PAQR9: variants seen among roughly 807,000 people sequenced by gnomAD.
PAQR9 encodes the protein membrane progestin receptor epsilon.
Under a neutral mutation model 24.0 loss-of-function variants are expected in PAQR9, and 12 were observed. That is an observed-to-expected ratio of 0.50 (90% CI 0.32 to 0.81). The LOEUF (loss-of-function observed/expected upper bound fraction) is 0.81. Among genes scored for constraint, PAQR9 ranks in the 30% least tolerant of loss-of-function variants. The pLI is 0.03. For missense variants in PAQR9, 418 were observed against 520.8 expected, an observed-to-expected ratio of 0.80 and a Z score of 1.92; for synonymous variants, 266 against 237.6, an observed-to-expected ratio of 1.12 and a Z score of -1.10.
chr3:142,962,980 C>A lies in PAQR9; in HGVS notation c.357G>T (p.Leu119=), dbSNP rs200424033. The change falls in exon 1 of 1, where the codon CTG becomes CTT. Residue 119 remains leucine (L), a synonymous_variant. Transcript: ENST00000340634. ...CCGACGCGTAGCACCACAACGGTAGCAGCCACGGGTGGTGGAAGGGCACGT... is the reference window on the plus strand; with the variant it reads ...CCGACGCGTAGCACCACAACGGTAGAAGCCACGGGTGGTGGAAGGGCACGT... ...GGDVPFHHPW[L]LPLWCYASGV... 64 of 1,614,098 alleles carry A rather than the reference C, an allele frequency of 4.0e-5. 2 individuals are homozygous for A. In the South Asian group the frequency reaches 5.3e-4, roughly 13 times the overall value.
chr3:142,961,687 T>C lies in PAQR9; in HGVS notation c.*516A>G, dbSNP rs1455535060. The C allele has an allele frequency of 6.3e-6, 1 of 158,682 alleles. No individual in the cohort carries two copies. Among genetic ancestry groups the C allele is most frequent in the Admixed American group, 5.9e-5 (1 of 16,874 alleles). The allele number at this position is 158,682 out of a possible 1,614,324, so 9.8% of individuals were successfully genotyped here. The stretch of plus-strand genomic sequence containing the variant: ...ATAATTAACTTGTGTTCACATTCCA[T>C]GCATTTTCTAGCAGGTTAAGCCCTG... On this transcript the variant is annotated 3_prime_UTR_variant, in exon 1 of 1. Transcript: ENST00000340634.
At chr3:142,952,843 G>C (rs1361993955), downstream of PAQR9, 6 of 456,544 alleles carry the variant, frequency 1.3e-5, no homozygotes, top group Non-Finnish European at 2.6e-5. Flanking sequence ...TTGTCCCCTT[G>C]GCAGAACCTA....
At position 142,960,153 on chromosome 3, in the gene PAQR9, T is replaced by C. The variant is rs1934864553; in HGVS notation, c.*2050A>G. On this transcript the variant is annotated 3_prime_UTR_variant, in exon 1 of 1. Transcript: ENST00000340634. ...TGTATTTACAATCTCAGTAAGAGAT[T>C]CTAAATTAAATATAGACATATATAA... Among the ~76,000 whole-genome samples the C allele has an allele frequency of 6.6e-6, 1 of 152,226 alleles. No individual in the cohort carries two copies. The highest frequency in any genetic ancestry group is 2.1e-4 in the South Asian group (1 of 4,838).
rs748394299 is a variant in PAQR9, at chr3:142,963,274, T to TGCCGGG, written c.57_62dup (p.Pro20_Ala21dup). On this transcript the variant is annotated inframe_insertion, in exon 1 of 1. Transcript: ENST00000340634. ...GGGAGTTCCGGGCGGCCCCCGAAGC[T>TGCCGGG]GCCGGGGCCGGGGCCGGAGGGCCTT... 76 of 1,498,770 alleles carry TGCCGGG rather than the reference T, an allele frequency of 5.1e-5. No individual in the cohort carries two copies. The highest frequency in any genetic ancestry group is 1.7e-4 in the African/African-American group (12 of 71,200). The allele number at this position is 1,498,770 out of a possible 1,614,324, so 92.8% of individuals were successfully genotyped here.
downstream of PAQR9, chr3:142,952,768 TGGGG>T (rs1250468036): frequency 4.4e-6 from 2 of 455,796 alleles, no homozygotes; most frequent in Admixed American, 4.7e-5. Flanking sequence ...ACAAGAAGAG[TGGGG>T]AGGGACAGGA....
At position 142,957,750 on chromosome 3, in the gene PAQR9, TC is replaced by T. The variant is rs1578079776; in HGVS notation, c.*4452del. Among the ~76,000 whole-genome samples, 3 of 152,326 alleles carry T rather than the reference TC, an allele frequency of 2.0e-5. No homozygotes were observed. Among genetic ancestry groups the T allele is most frequent in the Admixed American group, 1.3e-4 (2 of 15,300 alleles). On this transcript the variant is annotated 3_prime_UTR_variant, in exon 1 of 1. Transcript: ENST00000340634. ...TTCAATTCTGTACATATGCCGACTA[TC>T]CCCTCACTTGGATTGTACATTACAT...
At chr3:142,949,325 G>A (rs978937764) in exon 3 of PAQR9, 1 of 152,210 alleles carries the variant, frequency 6.6e-6, no homozygotes, top group African/African-American at 2.4e-5. Context: ...GTGAGGTAGG[G>A]ATGAACTAAT....
In PAQR9 at chr3:142,963,389, C is replaced by G. The variant is rs1399723903; in HGVS notation, c.-53G>C. 2.7e-6 allele frequency: 3 copies of G among 1,127,576 alleles called. No homozygotes were observed. The highest frequency in any genetic ancestry group is 3.3e-6 in the Non-Finnish European group (3 of 923,044). 69.8% of individuals were successfully genotyped at this position (1,127,576 alleles called of 1,614,324 possible). A position where few individuals can be genotyped will look rare whatever the true frequency, so the allele number is the denominator to read the frequency against. On this transcript the variant is annotated 5_prime_UTR_variant, in exon 1 of 1. Transcript: ENST00000340634. The stretch of plus-strand genomic sequence containing the variant: ...GCAGGCGACCTCTGGCGCCGGCTCC[C>G]GGGCGCTGGGCAGCCCCCGCCGGCC...
At chr3:142,953,371 T>C (rs1054156707), downstream of PAQR9, among the ~76,000 whole-genome samples, 2 of 152,130 alleles carry the variant, frequency 1.3e-5, no homozygotes, top group African/African-American at 4.8e-5. Context: ...ACAAGAGTGC[T>C]TCGATGGTAC....
rs542854262 is a variant in PAQR9, at chr3:142,962,887, G to A, written c.450C>T (p.Arg150=). ...CGTAGTCCAGGTAGAAGAAGGCGGC[G>A]CGCAGACGCAGCGACAGGCAGCTGA... ...HVFSCLSLRL[R]AAFFYLDYAS... Residue 150 remains arginine (R), a synonymous_variant, in exon 1 of 1, where the codon CGC becomes CGT. Transcript: ENST00000340634. 25 of 1,613,746 alleles carry A rather than the reference G, an allele frequency of 1.5e-5. No homozygotes were observed. In the East Asian group the frequency reaches 4.5e-4, roughly 29 times the overall value.
chr3:142,963,934 G>C, upstream of PAQR9: 1 of 968,254 alleles, frequency 1.0e-6, no homozygotes, highest in East Asian at 1.1e-4. Context: ...GCGACGCGGC[G>C]GCGCGCGCGC....
rs1445886311 is a variant in PAQR9 at position 142,955,088 on chromosome 3, C to A, written c.*7115G>T. On this transcript the variant is annotated 3_prime_UTR_variant, in exon 1 of 1. Transcript: ENST00000340634. ...TGAACTTAAAAACAAAAACAAAAAA[C>A]AGACACATGAAGGTCTCTATTTGAT... Among the ~76,000 whole-genome samples, 3 of 152,130 alleles carry A rather than the reference C, an allele frequency of 2.0e-5. No homozygotes were observed. The highest frequency in any genetic ancestry group is 4.4e-5 in the Non-Finnish European group (3 of 68,022).
downstream of PAQR9, chr3:142,952,648 GTTACT>G: frequency 4.9e-6 from 2 of 404,452 alleles, no homozygotes; most frequent in Admixed American, 5.3e-5. Flanking sequence ...TCCTTTGTGA[GTTACT>G]TTGTTTGGCC....
Position 142,962,242 on chromosome 3 carries a change from C to G in PAQR9, c.1095G>C (p.Arg365Ser), listed in dbSNP as rs1934907567. ...LLVVCLGLVI[R>S]KFLNSSEFCS... ...AGAATTCGGAGCTGTTTAGGAACTT[C>G]CTGATTACCAGCCCCAGGCAGACCA... Residue 365 changes from arginine (R) to serine (S), a missense_variant, in exon 1 of 1, where the codon AGG becomes AGC. Arg to Ser is a moderately radical substitution (Grantham distance 110). Around this residue, in one of 3 missense-constraint regions of PAQR9, gnomAD observed 230 missense variants for 305.2 expected, o/e 0.75. Transcript: ENST00000340634. 3.1e-6 allele frequency: 5 copies of G among 1,613,986 alleles called. No individual in the cohort carries two copies. The highest frequency in any genetic ancestry group is 3.4e-6 in the Non-Finnish European group (4 of 1,180,052).
At position 142,958,053 on chromosome 3, in the gene PAQR9, A is replaced by G. The variant is rs1934822250; in HGVS notation, c.*4150T>C. On this transcript the variant is annotated 3_prime_UTR_variant, in exon 1 of 1. Transcript: ENST00000340634. ...AATAATACGGATGGGTCCTTGCCCA[A>G]TGTCTTACACACAGTAGGTGCTCAA... Among the ~76,000 whole-genome samples, 1 of 152,220 alleles carries G rather than the reference A, an allele frequency of 6.6e-6. No homozygotes were observed. Among genetic ancestry groups the G allele is most frequent in the African/African-American group, 2.4e-5 (1 of 41,458 alleles).
At position 142,962,381 on chromosome 3, in the gene PAQR9, A is replaced by G. The variant is rs1245451836; in HGVS notation, c.956T>C (p.Phe319Ser). ...GTACACCTGGTCGTAGATGCTGAGG[A>G]AGGTGAAGATGTGGAAGAGCTGGTG... ...HSHQLFHIFT[F>S]LSIYDQVYYV... The change falls in exon 1 of 1, where the codon TTC becomes TCC. Residue 319 changes from phenylalanine to serine, a missense_variant. Physicochemically the swap from Phe to Ser is radical, Grantham distance 155. Coordinates refer to ENST00000340634, the MANE Select transcript of PAQR9 (RefSeq NM_198504.4). 3.1e-6 allele frequency: 5 copies of G among 1,614,022 alleles called. No homozygotes were observed. The highest frequency in any genetic ancestry group is 4.2e-6 in the Non-Finnish European group (5 of 1,180,040).
rs1163652258 is a variant in PAQR9 at position 142,962,962 on chromosome 3, G to A, written c.375C>T (p.Tyr125=). Residue 125 remains tyrosine, a synonymous_variant, in exon 1 of 1, where the codon TAC becomes TAT. Transcript: ENST00000340634. ...CGAAGGTCAGCAGCACTCCCGACGC[G>A]TAGCACCACAACGGTAGCAGCCACG... ...HHPWLLPLWC[Y]ASGVLLTFAM... is the part of the protein sequence containing the mutation. 1 of 1,614,082 alleles carries A rather than the reference G, an allele frequency of 6.2e-7. No individual in the cohort carries two copies. Among genetic ancestry groups the A allele is most frequent in the Non-Finnish European group, 8.5e-7 (1 of 1,180,004 alleles).
chr3:142,963,407 C>T lies in PAQR9; in HGVS notation c.-71G>A. The T allele has an allele frequency of 3.7e-6, 4 of 1,075,372 alleles. No homozygotes were observed. Among genetic ancestry groups the T allele is most frequent in the Non-Finnish European group, 4.5e-6 (4 of 890,518 alleles). The allele number at this position is 1,075,372 out of a possible 1,614,324, so 66.6% of individuals were successfully genotyped here. A position where few individuals can be genotyped will look rare whatever the true frequency, so the allele number is the denominator to read the frequency against. On this transcript the variant is annotated 5_prime_UTR_variant, in exon 1 of 1. Coordinates refer to ENST00000340634, the MANE Select transcript of PAQR9 (RefSeq NM_198504.4). ...CGGCTCCCGGGCGCTGGGCAGCCCC[C>T]GCCGGCCGCCGTCGGAGCCTTTGTG...
Position 142,962,566 on chromosome 3 carries a change from A to G in PAQR9, c.771T>C (p.Ile257=). The G allele has an allele frequency of 6.2e-7, 1 of 1,614,000 alleles. No individual in the cohort carries two copies. The highest frequency in any genetic ancestry group is 8.5e-7 in the Non-Finnish European group (1 of 1,180,018). ...FVMPLSMACP[I]MLESWLFDLR... Reference sequence around the variant, plus strand: ...GGTCGAAGAGCCAGCTCTCGAGCATAATGGGGCAGGCCATGCTGAGCGGCA... The same window carrying G: ...GGTCGAAGAGCCAGCTCTCGAGCATGATGGGGCAGGCCATGCTGAGCGGCA... Residue 257 remains isoleucine (I), a synonymous_variant, in exon 1 of 1, where the codon ATT becomes ATC. Transcript: ENST00000340634.
Sources: gnomAD v4.1 joint callset for allele counts (sites outside exome capture counted in the v4.1 genomes callset) on GRCh38, gnomAD v4.1.1 for gene constraint, gnomAD v4.1.1 regional missense constraint, MANE v1.5 for transcripts, NCBI Gene and HGNC (gene_info 2026-07-23, HGNC 2026-07-21) for gene names.